Variants in PSPH observed in about 807,000 individuals in gnomAD.
PSPH encodes phosphoserine phosphatase.
A neutral mutation model predicts 23.4 loss-of-function variants in PSPH; 16 were observed. The observed-to-expected ratio is 0.68, with a 90% CI of 0.46 to 1.04. The LOEUF (loss-of-function observed/expected upper bound fraction) is 1.04, where lower values mean the gene tolerates loss of function less well. Ranked by LOEUF, PSPH falls within the 50% of genes least tolerant of loss-of-function variation. The pLI, the probability that PSPH is intolerant of heterozygous loss-of-function variation, is 0.00. For synonymous variants in PSPH, 68 were observed against 99.7 expected, an observed-to-expected ratio of 0.68 and a Z score of 1.89; for missense variants, 223 against 273.7, an observed-to-expected ratio of 0.81 and a Z score of 1.31.
chr7:56,012,274 C>T (rs532829422), intron 7 of PSPH, among the ~76,000 whole-genome samples: 1 of 152,258 alleles, frequency 6.6e-6, no homozygotes, highest in Non-Finnish European at 1.5e-5. Flanking sequence ...TCACTGCAGC[C>T]TTGAACTTCT....
chr7:56,042,051 C>A (rs566047138), intron 1 of PSPH, among the ~76,000 whole-genome samples: 1 of 151,770 alleles, frequency 6.6e-6, no homozygotes, highest in East Asian at 2.0e-4. Context: ...GGTGAAACCT[C>A]GTCTCTACTA....
At chr7:56,023,436 T>A (rs1159285397) in intron 3 of PSPH, among the ~76,000 whole-genome samples, 3 of 151,918 alleles carry the variant, frequency 2.0e-5, no homozygotes, top group Non-Finnish European at 4.4e-5. Flanking sequence ...TTTATAAATT[T>A]TTTTTTGAAG....
intron 1 of PSPH, among the ~76,000 whole-genome samples, chr7:56,049,819 C>T (rs1473654981): frequency 6.6e-6 from 1 of 152,036 alleles, no homozygotes; most frequent in Non-Finnish European, 1.5e-5. Context: ...CGGCTCACTG[C>T]AACCTCTGCT....
intron 1 of PSPH, among the ~76,000 whole-genome samples, chr7:56,034,881 C>G (rs1214557075): frequency 6.6e-6 from 1 of 151,204 alleles, no homozygotes; most frequent in Non-Finnish European, 1.5e-5. Flanking sequence ...TTGCACCTTA[C>G]TTTTATTTTT....
chr7:56,019,230 T>G (rs1192374849), intron 5 of PSPH, among the ~76,000 whole-genome samples: 1 of 151,980 alleles, frequency 6.6e-6, no homozygotes, highest in East Asian at 1.9e-4. Context: ...TCATTTGAGG[T>G]CAAGAGTTCA....
intron 7 of PSPH, among the ~76,000 whole-genome samples, chr7:56,012,117 C>T (rs1281456154): frequency 6.6e-6 from 1 of 151,638 alleles, no homozygotes. Context: ...CCAGGCTGCT[C>T]TCAACCTCCT....
rs1214477831 is a variant in PSPH, at chr7:56,019,473, T to G, written c.275+127A>C. ...CAATTTAAAAAAATAATTAAAAAATTAAAAAATGAAAATGAAAATAAATAA... is the reference window on the plus strand; with the variant it reads ...CAATTTAAAAAAATAATTAAAAAATGAAAAAATGAAAATGAAAATAAATAA... On this transcript the variant is annotated intron_variant, in intron 5 of 7. Coordinates refer to ENST00000275605, the MANE Select transcript of PSPH (RefSeq NM_004577.4). The G allele has an allele frequency of 3.2e-6, 4 of 1,231,698 alleles. No homozygotes were observed. In the East Asian group the frequency reaches 1.1e-4, roughly 33 times the overall value. The allele number at this position is 1,231,698 out of a possible 1,614,324, so 76.3% of individuals were successfully genotyped here. A position where few individuals can be genotyped will look rare whatever the true frequency, so the allele number is the denominator to read the frequency against.
rs187028986 is a variant in PSPH, at chr7:56,017,522, T to C, written c.276-143A>G. On this transcript the variant is annotated intron_variant, in intron 5 of 7. Transcript: ENST00000275605. ...GGTATGTTTGACAAGGTATACTGCCTGGGGTGTTAATGTTTTATATATGTT... is the reference window on the plus strand; with the variant it reads ...GGTATGTTTGACAAGGTATACTGCCCGGGGTGTTAATGTTTTATATATGTT... 3 of 1,476,376 alleles carry C rather than the reference T, an allele frequency of 2.0e-6. No homozygotes were observed. The Admixed American group carries it at 7.9e-5, about 39-fold the overall frequency. The allele number at this position is 1,476,376 out of a possible 1,614,324, so 91.5% of individuals were successfully genotyped here. A position where few individuals can be genotyped will look rare whatever the true frequency, so the allele number is the denominator to read the frequency against.
rs1158222855 is a variant in PSPH at position 56,015,149 on chromosome 7, C to A, written c.444G>T (p.Glu148Asp). The A allele has an allele frequency of 1.9e-6, 3 of 1,613,912 alleles. No homozygotes were observed. Among genetic ancestry groups the A allele is most frequent in the African/African-American group, 2.7e-5 (2 of 74,886 alleles). The change falls in exon 7 of 8, where the codon GAG becomes GAT. Residue 148 changes from glutamate to aspartate, a missense_variant. Glu to Asp is a conservative substitution (Grantham distance 45, BLOSUM62 2). Transcript: ENST00000275605. ...YFNGEYAGFDETQPTAESGGK... is the reference protein window; with the variant it reads ...YFNGEYAGFDDTQPTAESGGK... ...CACCAGATTCAGCTGTTGGCTGCGT[C>A]TCATCAAAACCTGCATATTCACCTT... is the stretch of plus-strand genomic sequence containing the variant.
intron 1 of PSPH, among the ~76,000 whole-genome samples, chr7:56,048,382 A>G (rs1793536221): frequency 6.6e-6 from 1 of 152,194 alleles, no homozygotes; most frequent in Non-Finnish European, 1.5e-5. Flanking sequence ...AAAAAATGCC[A>G]AGATCATTAA....
chr7:56,037,290 G>C (rs772198795), intron 1 of PSPH, among the ~76,000 whole-genome samples: 1 of 151,702 alleles, frequency 6.6e-6, no homozygotes, highest in Non-Finnish European at 1.5e-5. Context: ...TAGCACATAA[G>C]AACCAAATAC....
intron 2 of PSPH, chr7:56,033,318 T>G (rs1044473046): frequency 1.4e-4 from 21 of 151,702 alleles, no homozygotes; most frequent in African/African-American, 4.8e-4. Context: ...GCTAACATGG[T>G]GAAACCCTGT....
At position 56,039,074 on chromosome 7, in the gene PSPH, C is replaced by T. The variant is rs150797510; in HGVS notation, c.-291-4968G>A. The stretch of plus-strand genomic sequence containing the variant: ...AAGATAATCGCTTGAACCCGGGAGG[C>T]GGAACCCGGGAGGCGGAGACCTGTG... On this transcript the variant is annotated intron_variant, in intron 1 of 7. Coordinates refer to ENST00000275605, the MANE Select transcript of PSPH (RefSeq NM_004577.4). Among the ~76,000 whole-genome samples the T allele has an allele frequency of 3.2e-4, 47 of 148,948 alleles. 2 individuals carry two copies. The highest frequency in any genetic ancestry group is 1.1e-3 in the African/African-American group (44 of 40,448).
At chr7:56,046,627 TACAC>T (rs373773058) in intron 1 of PSPH, among the ~76,000 whole-genome samples, 87 of 152,006 alleles carry the variant, frequency 5.7e-4, no homozygotes, top group African/African-American at 2.0e-3. Flanking sequence ...TCTACAAACA[TACAC>T]AAATTAGCTG....
intron 7 of PSPH, among the ~76,000 whole-genome samples, chr7:56,012,432 C>G (rs1788017765): frequency 6.6e-6 from 1 of 151,984 alleles, no homozygotes; most frequent in African/African-American, 2.4e-5. Flanking sequence ...CCTCCCGCCT[C>G]AGCCTCCCAA....
intron 1 of PSPH, among the ~76,000 whole-genome samples, chr7:56,034,491 G>A (rs1791458167): frequency 1.3e-5 from 2 of 151,912 alleles, no homozygotes; most frequent in South Asian, 2.1e-4. Flanking sequence ...AGCAGTGTAG[G>A]TCCCAAAAGA....
At chr7:56,047,130 C>A (rs1301448149) in intron 1 of PSPH, among the ~76,000 whole-genome samples, 19 of 151,978 alleles carry the variant, frequency 1.3e-4, no homozygotes, top group Admixed American at 7.9e-4. Context: ...ACGCCTGTAA[C>A]CCCAGCACTT....
intron 1 of PSPH, among the ~76,000 whole-genome samples, chr7:56,035,225 C>T (rs991948682): frequency 6.6e-6 from 1 of 151,974 alleles, no homozygotes; most frequent in African/African-American, 2.4e-5. Context: ...CCTGTAGTCC[C>T]GGCTACTTGG....
chr7:56,026,913 G>A (rs370299415), intron 3 of PSPH, among the ~76,000 whole-genome samples: 10 of 151,836 alleles, frequency 6.6e-5, no homozygotes, highest in African/African-American at 2.4e-4. Context: ...TTTTAAGAAG[G>A]TACATGAGAA....
Sources: gnomAD v4.1 joint callset for allele counts (sites outside exome capture counted in the v4.1 genomes callset) on GRCh38, gnomAD v4.1.1 for gene constraint, MANE v1.5 for transcripts, NCBI Gene and HGNC (gene_info 2026-07-23, HGNC 2026-07-21) for gene names.